Variants in MUC12 observed in about 807,000 individuals in gnomAD.
MUC12 encodes mucin-12.
Under a neutral mutation model 230.8 loss-of-function variants are expected in MUC12, and 172 were observed. That is an observed-to-expected ratio of 0.75 (90% confidence interval 0.66 to 0.85). MUC12 has a LOEUF of 0.85. Among genes scored for constraint, MUC12 ranks in the 40% least tolerant of loss-of-function variants. MUC12 has a pLI of 0.00. For synonymous variants in MUC12, 1,259 were observed against 2,401.9 expected, an observed-to-expected ratio of 0.52 and a Z score of 13.91; for missense variants, 3,506 against 5,920.6, an observed-to-expected ratio of 0.59 and a Z score of 13.38.
In MUC12 at chr7:101,002,843, C is replaced by G. The variant is rs766288872; in HGVS notation, c.12280C>G (p.Pro4094Ala). 6.9e-5 allele frequency: 72 copies of G among 1,040,480 alleles called. 1 individual carries two copies. Among genetic ancestry groups the G allele is most frequent in the Non-Finnish European group, 9.3e-5 (71 of 763,564 alleles). The allele number at this position is 1,040,480 out of a possible 1,614,324, so 64.5% of individuals were successfully genotyped here. ...PSSSDTTPSPPSTTAVPVEVS... is the reference protein window; with the variant it reads ...PSSSDTTPSPASTTAVPVEVS... Reference sequence around the variant, plus strand: ...CTCAAGTGACACAACACCTTCACCTCCCAGCACCACAGCAGTCCCTGTTGA... The same window carrying G: ...CTCAAGTGACACAACACCTTCACCTGCCAGCACCACAGCAGTCCCTGTTGA... Residue 4094 changes from proline (P) to alanine (A), a missense_variant, in exon 2 of 12, where the codon CCC (proline) becomes GCC (alanine). Coordinates refer to ENST00000536621, the MANE Select transcript of MUC12 (RefSeq NM_001164462.2).
At chr7:101,006,620 C>T in intron 3 of MUC12, 48 bp downstream of exon 3, 2 of 1,278,592 alleles carry the variant, frequency 1.6e-6, no homozygotes, top group Non-Finnish European at 2.2e-6. Context: ...CCCTTTCACC[C>T]CTGAAAACAG....
At position 101,004,889 on chromosome 7, in the gene MUC12, A is replaced by G. The variant is rs1406165566; in HGVS notation, c.14326A>G (p.Thr4776Ala). ...PTSLYSQAES[T>A]HTTAFPASTT... ...CAGCTTGTATAGCCAAGCAGAGTCA[A>G]CACACACAACAGCGTTCCCTGCCAG... The change falls in exon 2 of 12, where the codon ACA (threonine) becomes GCA (alanine). Residue 4776 changes from threonine (T) to alanine (A), a missense_variant. By Grantham distance (58) the Thr-to-Ala change is moderately conservative. Coordinates refer to ENST00000536621, the MANE Select transcript of MUC12 (RefSeq NM_001164462.2). The G allele has an allele frequency of 1.3e-6, 2 of 1,537,744 alleles. No individual in the cohort carries two copies. Among genetic ancestry groups the G allele is most frequent in the Non-Finnish European group, 1.7e-6 (2 of 1,147,062 alleles).
At chr7:101,008,958 C>T in intron 4 of MUC12, 137 bp from the exon 5 acceptor site, 1 of 1,248,606 alleles carries the variant, frequency 8.0e-7, no homozygotes, top group Non-Finnish European at 1.1e-6. Context: ...GCAGAGGGAG[C>T]TTCCTGGGTT....
rs150986435 is a variant in MUC12, at chr7:100,991,376, T to G, written c.813T>G (p.His271Gln). ...TTLSPSSSTTHEGEPTTFQSW... is the reference protein window; with the variant it reads ...TTLSPSSSTTQEGEPTTFQSW... Reference sequence around the variant, plus strand: ...TGTCCCCTTCCAGCTCTACAACCCATGAGGGAGAACCTACCACCTTCCAGA... The same window carrying G: ...TGTCCCCTTCCAGCTCTACAACCCAGGAGGGAGAACCTACCACCTTCCAGA... The change falls in exon 2 of 12, where the codon CAT becomes CAG. Residue 271 changes from histidine to glutamine, a missense_variant. Coordinates refer to ENST00000536621, the MANE Select transcript of MUC12 (RefSeq NM_001164462.2). 2 of 1,537,690 alleles carry G rather than the reference T, an allele frequency of 1.3e-6. No homozygotes were observed. Among genetic ancestry groups the G allele is most frequent in the African/African-American group, 2.7e-5 (2 of 73,102 alleles).
At chr7:100,988,841 T>C (rs146988171) in intron 1 of MUC12, among the ~76,000 whole-genome samples, 91 of 152,284 alleles carry the variant, frequency 6.0e-4, no homozygotes, top group East Asian at 4.6e-3. Context: ...TGGGAGATAA[T>C]TGAATCATTG....
At chr7:100,971,402 G>A (rs1408970382) in intron 1 of MUC12, among the ~76,000 whole-genome samples, 22 of 152,366 alleles carry the variant, frequency 1.4e-4, no homozygotes, top group African/African-American at 4.6e-4. Context: ...GGCAGAAGGG[G>A]TGGTGAGGGG....
intron 1 of MUC12, among the ~76,000 whole-genome samples, chr7:100,973,655 A>G (rs1019122642): frequency 1.3e-5 from 2 of 152,180 alleles, no homozygotes; most frequent in Non-Finnish European, 2.9e-5. Context: ...TGCAGGAACT[A>G]CAGGCAGGAG....
chr7:100,972,051 T>C (rs1238724923), intron 1 of MUC12: 5 of 702,290 alleles, frequency 7.1e-6, no homozygotes, highest in Non-Finnish European at 7.8e-6. Flanking sequence ...GCCAGGCAAG[T>C]AGGGCCACTC....
rs200421275 is a variant in MUC12, at chr7:100,992,462, A to C, written c.1899A>C (p.Thr633=). ...CAACCCGTCAGGGAGAATCTACCAC[A>C]TTCCATAGCTGGCCAAGCTCAAAGG... ...GSTTRQGEST[T]FHSWPSSKDT... Residue 633 remains threonine (T), a synonymous_variant, in exon 2 of 12, where the codon ACA becomes ACC. Coordinates refer to ENST00000536621, the MANE Select transcript of MUC12 (RefSeq NM_001164462.2). The C allele has an allele frequency of 1.4e-5, 21 of 1,537,824 alleles. No homozygotes were observed. The highest frequency in any genetic ancestry group is 1.1e-4 in the African/African-American group (8 of 73,146).
chr7:100,975,377 A>G (rs555639579), intron 1 of MUC12, among the ~76,000 whole-genome samples: 90 of 152,394 alleles, frequency 5.9e-4, no homozygotes, highest in Non-Finnish European at 2.6e-4. Context: ...AATGGTTAAC[A>G]CCTATAAAAT....
intron 1 of MUC12, among the ~76,000 whole-genome samples, chr7:100,987,019 A>G (rs971613978): frequency 6.6e-6 from 1 of 150,916 alleles, no homozygotes; most frequent in African/African-American, 2.4e-5. Context: ...AGTGGCACAG[A>G]GAAAATACAG....
chr7:100,972,630 G>A (rs962261636), intron 1 of MUC12, among the ~76,000 whole-genome samples: 11 of 152,012 alleles, frequency 7.2e-5, no homozygotes, highest in African/African-American at 2.7e-4. Context: ...AGCCTTTGGA[G>A]TAGCTGGGAC....
At chr7:100,983,770 T>A (rs12534046) in intron 1 of MUC12, among the ~76,000 whole-genome samples, 14,569 of 152,238 alleles carry the variant, frequency 0.096, 1,152 homozygotes, top group Admixed American at 0.27. Context: ...GTTATGGAGA[T>A]AACCATAAAC....
Position 101,004,598 on chromosome 7 carries a change from C to G in MUC12, c.14035C>G (p.Arg4679Gly). The G allele has an allele frequency of 6.5e-7, 1 of 1,536,794 alleles. No individual in the cohort carries two copies. The highest frequency in any genetic ancestry group is 2.4e-5 in the East Asian group (1 of 40,908). Residue 4679 changes from arginine to glycine, a missense_variant, in exon 2 of 12, where the codon CGT (arginine) becomes GGT (glycine). Arg to Gly is a moderately radical substitution (Grantham distance 125). Transcript: ENST00000536621. ...HFPESSTTSG[R>G]SEESTASHSS... is the part of the protein sequence containing the mutation. ...TCCTGAGAGCTCCACAACCTCCGGC[C>G]GTAGTGAGGAATCAACAGCATCCCA...
At position 100,992,195 on chromosome 7, in the gene MUC12, C is replaced by T; in HGVS notation, c.1632C>T (p.Gly544=). The change falls in exon 2 of 12, where the codon GGC becomes GGT. Residue 544 remains glycine (G), a synonymous_variant. Coordinates refer to ENST00000536621, the MANE Select transcript of MUC12 (RefSeq NM_001164462.2). ...TAFPGSTTMP[G]LSQESTASHS... Reference sequence around the variant, plus strand: ...TCCCTGGCAGTACCACCATGCCAGGCCTCAGTCAGGAATCTACAGCTTCCC... The same window carrying T: ...TCCCTGGCAGTACCACCATGCCAGGTCTCAGTCAGGAATCTACAGCTTCCC... The T allele has an allele frequency of 2.0e-6, 3 of 1,537,934 alleles. No individual in the cohort carries two copies. The highest frequency in any genetic ancestry group is 2.6e-6 in the Non-Finnish European group (3 of 1,147,068).
intron 1 of MUC12, among the ~76,000 whole-genome samples, chr7:100,975,209 T>A (rs1793004650): frequency 6.6e-6 from 1 of 152,306 alleles, no homozygotes; most frequent in Non-Finnish European, 1.5e-5. Flanking sequence ...GGAACCACTA[T>A]CCTGTTTTAT....
chr7:100,992,612 T>G lies in MUC12; in HGVS notation c.2049T>G (p.Val683=), dbSNP rs1277563369. ...ISARSTTSGL[V]EESTTYHSSP... ...CCCGCTCCACAACCTCAGGCCTCGT[T>G]GAAGAATCTACGACCTACCACAGCA... is the stretch of plus-strand genomic sequence containing the variant. Residue 683 remains valine, a synonymous_variant, in exon 2 of 12, where the codon GTT becomes GTG. Coordinates refer to ENST00000536621, the MANE Select transcript of MUC12 (RefSeq NM_001164462.2). 5 of 1,537,666 alleles carry G rather than the reference T, an allele frequency of 3.3e-6. No individual in the cohort carries two copies. Among genetic ancestry groups the G allele is most frequent in the Non-Finnish European group, 4.4e-6 (5 of 1,146,964 alleles).
chr7:100,980,046 G>A (rs1213637794), intron 1 of MUC12, among the ~76,000 whole-genome samples: 1 of 149,162 alleles, frequency 6.7e-6, no homozygotes, highest in Non-Finnish European at 1.5e-5. Context: ...TTTTTTCGTT[G>A]TTGTTGTTTT....
intron 1 of MUC12, among the ~76,000 whole-genome samples, chr7:100,977,571 G>A (rs1193476480): frequency 1.3e-5 from 2 of 152,022 alleles, no homozygotes; most frequent in African/African-American, 2.4e-5. Context: ...TCACCATGTC[G>A]GTCAGGCTGG....
Sources: gnomAD v4.1 joint callset for allele counts (sites outside exome capture counted in the v4.1 genomes callset) on GRCh38, gnomAD v4.1.1 for gene constraint, MANE v1.5 for transcripts, NCBI Gene and HGNC (gene_info 2026-07-23, HGNC 2026-07-21) for gene names.